The following SCHIP1 variants were observed in gnomAD, a reference collection of about 807,000 sequenced individuals.
SCHIP1 encodes the protein schwannomin interacting protein 1, also known as schwannomin-interacting protein 1.
Under a neutral mutation model 29.7 loss-of-function variants are expected in SCHIP1, and 8 were observed. The ratio of observed to expected loss-of-function variants is 0.27; its 90% CI spans 0.16 to 0.49. The LOEUF is 0.49. Among genes scored for constraint, SCHIP1 ranks in the 20% least tolerant of loss-of-function variants. The probability of loss-of-function intolerance (pLI) is 0.99; values close to 1 mark genes in which losing one functional copy is unlikely to be tolerated. For synonymous variants in SCHIP1, 76 were observed against 94.9 expected, an observed-to-expected ratio of 0.80 and a Z score of 1.16; for missense variants, 193 against 294.6, an observed-to-expected ratio of 0.66 and a Z score of 2.52.
the SCHIP1 span, among the ~76,000 whole-genome samples, chr3:159,377,520 C>T: frequency 8.8e-4 from 134 of 152,266 alleles, 1 homozygote; most frequent in Non-Finnish European, 4.6e-4. Flanking sequence ...GTTCAGACTT[C>T]GGCTGAAGAT....
the SCHIP1 span, chr3:159,764,954 G>A: frequency 6.7e-7 from 1 of 1,490,522 alleles, no homozygotes; most frequent in South Asian, 1.3e-5. This position sits in a 1 kb window ranked among gnomAD's most constrained non-coding sequence, Gnocchi z 6.1. Context: ...GGGGGCCGGC[G>A]CAGTGGCCGC....
chr3:159,579,712 T>A, the SCHIP1 span, among the ~76,000 whole-genome samples: 1 of 152,210 alleles, frequency 6.6e-6, no homozygotes, highest in African/African-American at 2.4e-5. Context: ...TTTTTGAGAA[T>A]GGAAATAAAT....
the SCHIP1 span, among the ~76,000 whole-genome samples, chr3:159,285,755 C>T: frequency 1.3e-5 from 2 of 151,810 alleles, no homozygotes; most frequent in Admixed American, 6.6e-5. Flanking sequence ...TTAATTTATC[C>T]TTCTGCAATA....
intron 3 of SCHIP1, chr3:159,886,887 C>CGGAA (rs1439779647): frequency 6.4e-6 from 1 of 156,184 alleles, no homozygotes; most frequent in Non-Finnish European, 1.4e-5. Context: ...GCAATCATGG[C>CGGAA]GGAAGGCAAG....
the SCHIP1 span, among the ~76,000 whole-genome samples, chr3:159,521,127 C>T: frequency 1.7e-4 from 26 of 152,304 alleles, no homozygotes; most frequent in South Asian, 5.4e-3. Context: ...TGTTTCCCCA[C>T]CTTCTTAGTT....
At chr3:159,867,271 T>C (rs932980287) in intron 2 of SCHIP1, among the ~76,000 whole-genome samples, 4 of 152,212 alleles carry the variant, frequency 2.6e-5, no homozygotes, top group African/African-American at 7.2e-5. Context: ...TATTTTACCA[T>C]CTTAAGCTAG....
intron 2 of SCHIP1, among the ~76,000 whole-genome samples, chr3:159,884,349 C>CTGTGTGTGTGTG (rs10661642): frequency 4.3e-4 from 61 of 140,650 alleles, no homozygotes; most frequent in South Asian, 1.9e-3. Context: ...GTGTCTGTGT[C>CTGTGTGTGTGTG]TGTGTGTGTG....
chr3:159,783,312 T>C, the SCHIP1 span, among the ~76,000 whole-genome samples: 1 of 152,212 alleles, frequency 6.6e-6, no homozygotes, highest in African/African-American at 2.4e-5. Flanking sequence ...GATTGACAGC[T>C]GAATGGAGAC....
At chr3:159,755,635 C>G in the SCHIP1 span, among the ~76,000 whole-genome samples, 3 of 152,216 alleles carry the variant, frequency 2.0e-5, no homozygotes, top group East Asian at 5.8e-4. Context: ...CCCCCAAAGT[C>G]TCAACTCATT....
At chr3:159,335,513 G>A in the SCHIP1 span, among the ~76,000 whole-genome samples, 2 of 151,972 alleles carry the variant, frequency 1.3e-5, no homozygotes, top group African/African-American at 2.4e-5. Context: ...TCCACAACAG[G>A]CCCTGGTGTG....
chr3:159,750,165 A>C, the SCHIP1 span, among the ~76,000 whole-genome samples: 10 of 151,600 alleles, frequency 6.6e-5, 3 homozygotes, highest in Non-Finnish European at 1.5e-5. Context: ...AAGTTTATTC[A>C]TAGAGTAGAA....
At chr3:159,657,193 A>G in the SCHIP1 span, among the ~76,000 whole-genome samples, 1 of 152,204 alleles carries the variant, frequency 6.6e-6, no homozygotes, top group Non-Finnish European at 1.5e-5. Context: ...ATCAAGAATT[A>G]ATGTAAGTGA....
chr3:159,813,906 T>C, the SCHIP1 span, among the ~76,000 whole-genome samples: 2 of 152,188 alleles, frequency 1.3e-5, no homozygotes, highest in East Asian at 3.8e-4. Flanking sequence ...GCCCAGACTC[T>C]AGATTCTAGC....
the SCHIP1 span, among the ~76,000 whole-genome samples, chr3:159,549,443 G>A: frequency 3.9e-5 from 6 of 152,230 alleles, no homozygotes; most frequent in African/African-American, 1.4e-4. Flanking sequence ...AAGTAATTAA[G>A]GTTAAATGAG....
the SCHIP1 span, among the ~76,000 whole-genome samples, chr3:159,626,177 T>C: frequency 9.0e-6 from 1 of 110,596 alleles, no homozygotes; most frequent in Non-Finnish European, 1.6e-5. Context: ...TATATCTATC[T>C]ATCTAGATAG....
chr3:159,496,641 T>G, the SCHIP1 span, among the ~76,000 whole-genome samples: 1 of 152,174 alleles, frequency 6.6e-6, no homozygotes, highest in African/African-American at 2.4e-5. Context: ...ATAGGAACAC[T>G]TTTACACTGT....
the SCHIP1 span, among the ~76,000 whole-genome samples, chr3:159,680,646 A>T: frequency 3.4e-5 from 2 of 58,322 alleles, no homozygotes; most frequent in South Asian, 4.3e-4. Flanking sequence ...ATATTATATA[A>T]TATATGTATA....
the SCHIP1 span, among the ~76,000 whole-genome samples, chr3:159,350,498 C>T: frequency 6.6e-6 from 1 of 151,984 alleles, no homozygotes; most frequent in Non-Finnish European, 1.5e-5. Flanking sequence ...TTTTTTTCCT[C>T]TGTTTTAATT....
At chr3:159,350,035 G>C in the SCHIP1 span, among the ~76,000 whole-genome samples, 1 of 152,130 alleles carries the variant, frequency 6.6e-6, no homozygotes, top group African/African-American at 2.4e-5. Flanking sequence ...AGCTCTCAAG[G>C]TGTAAGGAGG....
Sources: gnomAD v4.1 joint callset for allele counts (sites outside exome capture counted in the v4.1 genomes callset) on GRCh38, gnomAD v4.1.1 for gene constraint, Gnocchi (gnomAD v3.1) non-coding constraint, MANE v1.5 for transcripts, NCBI Gene and HGNC (gene_info 2026-07-23, HGNC 2026-07-21) for gene names.